EFCAB8: variants seen among roughly 807,000 people sequenced by gnomAD.
EFCAB8 encodes the protein EF-hand calcium-binding domain-containing protein 8.
In EFCAB8, 100 loss-of-function variants were observed where a neutral mutation model predicts 116.3. The ratio of observed to expected loss-of-function variants is 0.86; its 90% CI spans 0.73 to 1.02. The LOEUF (loss-of-function observed/expected upper bound fraction) is 1.02, where lower values mean the gene tolerates loss of function less well. Ranked by LOEUF, EFCAB8 falls within the 50% of genes least tolerant of loss-of-function variation. EFCAB8 has a pLI of 0.00. For synonymous variants in EFCAB8, 558 were observed against 567.9 expected, an observed-to-expected ratio of 0.98 and a Z score of 0.25; for missense variants, 1,320 against 1,416.9, an observed-to-expected ratio of 0.93 and a Z score of 1.10.
At chr20:32,878,286 G>A (rs763686342) in intron 4 of EFCAB8, among the ~76,000 whole-genome samples, 59 of 151,592 alleles carry the variant, frequency 3.9e-4, no homozygotes, top group Non-Finnish European at 5.7e-4. Flanking sequence ...AAAAAAGGCC[G>A]GGTGTGGTGG....
chr20:32,956,223 G>A (rs148441030), intron 23 of EFCAB8, among the ~76,000 whole-genome samples: 320 of 151,946 alleles, frequency 2.1e-3, no homozygotes, highest in African/African-American at 7.1e-3. Context: ...TCCCTCCCAT[G>A]TTTATGTTAT....
At chr20:32,879,678 C>T (rs541090603) in intron 5 of EFCAB8, among the ~76,000 whole-genome samples, 1 of 152,070 alleles carries the variant, frequency 6.6e-6, no homozygotes, top group African/African-American at 2.4e-5. Flanking sequence ...GGCGATGAGC[C>T]AAGCGTAATA....
intron 9 of EFCAB8, among the ~76,000 whole-genome samples, 180 bp downstream of exon 9, chr20:32,893,478 G>A (rs1349207519): frequency 6.6e-6 from 1 of 152,162 alleles, no homozygotes; most frequent in Non-Finnish European, 1.5e-5. Context: ...GAGGCGATGG[G>A]GGGCAGCAGA....
intron 22 of EFCAB8, among the ~76,000 whole-genome samples, chr20:32,939,208 CTCT>C: frequency 1.3e-5 from 1 of 76,816 alleles, no homozygotes; most frequent in East Asian, 4.1e-4. Context: ...TCTTTCCTCT[CTCT>C]CTCTCTCTCT....
At chr20:32,903,634 A>G (rs966111376) in intron 11 of EFCAB8, 1 of 152,206 alleles carries the variant, frequency 6.6e-6, no homozygotes, top group Non-Finnish European at 1.5e-5. Context: ...GGAGGGAGGA[A>G]TATCTGGTTT....
chr20:32,860,702 T>G (rs746823929), intron 1 of EFCAB8, among the ~76,000 whole-genome samples: 4 of 152,010 alleles, frequency 2.6e-5, no homozygotes, highest in Non-Finnish European at 5.9e-5. Flanking sequence ...AAAATTGGCA[T>G]CATAGTGTGC....
At position 32,959,926 on chromosome 20, in the gene EFCAB8, C is replaced by G; in HGVS notation, c.3238C>G (p.Arg1080Gly). Residue 1080 changes from arginine (R) to glycine (G), a missense_variant, in exon 25 of 27, where the codon CGC becomes GGC. Coordinates refer to ENST00000400522, the MANE Select transcript of EFCAB8 (RefSeq NM_001143967.2). ...CCTGATGTCCCCGTGGGCCGGAGAG[C>G]GCCCCCTGGAAGACATTGAGGACAG... ...MALMSPWAGE[R>G]PLEDIEDSWN... is the part of the protein sequence containing the mutation. The G allele has an allele frequency of 6.4e-7, 1 of 1,551,596 alleles. No homozygotes were observed. The highest frequency in any genetic ancestry group is 8.7e-7 in the Non-Finnish European group (1 of 1,146,966).
intron 20 of EFCAB8, among the ~76,000 whole-genome samples, chr20:32,925,575 A>G (rs1987638630): frequency 6.6e-6 from 1 of 151,936 alleles, no homozygotes; most frequent in South Asian, 2.1e-4. Flanking sequence ...CTTGTCTCGA[A>G]CTCCTGGCCT....
chr20:32,898,237 C>T, intron 10 of EFCAB8: 2 of 410,226 alleles, frequency 4.9e-6, no homozygotes, highest in Non-Finnish European at 4.5e-6. Context: ...CTTCCCCATC[C>T]TCTAACTCAC....
chr20:32,911,194 A>C (rs1986901907), intron 15 of EFCAB8, among the ~76,000 whole-genome samples: 1 of 152,112 alleles, frequency 6.6e-6, no homozygotes, highest in African/African-American at 2.4e-5. Flanking sequence ...TTGTTTCAGT[A>C]ATGTCTTTTC....
In EFCAB8 at chr20:32,930,495, A is replaced by G. The variant is rs1268982227; in HGVS notation, c.2510A>G (p.Asn837Ser). The G allele has an allele frequency of 1.3e-6, 2 of 1,552,014 alleles. No homozygotes were observed. The highest frequency in any genetic ancestry group is 1.4e-5 in the African/African-American group (1 of 73,052). Residue 837 changes from asparagine (N) to serine (S), a missense_variant, in exon 21 of 27, where the codon AAT (asparagine) becomes AGT (serine). Coordinates refer to ENST00000400522, the MANE Select transcript of EFCAB8 (RefSeq NM_001143967.2). ...GYIYAWSLHENGGLLGKFPVD... is the reference protein window; with the variant it reads ...GYIYAWSLHESGGLLGKFPVD... ...ATCTACGCCTGGTCCCTCCATGAGAATGGAGGCCTGCTGGGGAAGTTCCCT... is the reference window on the plus strand; with the variant it reads ...ATCTACGCCTGGTCCCTCCATGAGAGTGGAGGCCTGCTGGGGAAGTTCCCT...
At position 32,961,270 on chromosome 20, in the gene EFCAB8, C is replaced by G; in HGVS notation, c.3528C>G (p.Asp1176Glu). 1 of 1,550,888 alleles carries G rather than the reference C, an allele frequency of 6.4e-7. No homozygotes were observed. The highest frequency in any genetic ancestry group is 2.0e-5 in the Admixed American group (1 of 50,936). ...TGGTGGCCCACCATGTCCAGAAGGACCTGGTGCCCAGCAGGGAGCAGGCTG... is the reference window on the plus strand; with the variant it reads ...TGGTGGCCCACCATGTCCAGAAGGAGCTGGTGCCCAGCAGGGAGCAGGCTG... ...IRLVAHHVQK[D>E]LVPSREQAVL... The change falls in exon 27 of 27, where the codon GAC becomes GAG. Residue 1176 changes from aspartate to glutamate, a missense_variant. Coordinates refer to ENST00000400522, the MANE Select transcript of EFCAB8 (RefSeq NM_001143967.2).
chr20:32,916,589 A>AT, intron 17 of EFCAB8, among the ~76,000 whole-genome samples: 1 of 152,056 alleles, frequency 6.6e-6, no homozygotes, highest in East Asian at 1.9e-4. Context: ...CACTGATTCC[A>AT]TTTATGAGGG....
intron 13 of EFCAB8, chr20:32,907,214 G>A (rs1568922768): frequency 1.4e-6 from 1 of 716,828 alleles, no homozygotes; most frequent in Non-Finnish European, 1.7e-6. Flanking sequence ...TGTGACCCTG[G>A]CAAGTCCTTC....
chr20:32,912,301 C>T (rs141807349), intron 16 of EFCAB8, among the ~76,000 whole-genome samples: 5,817 of 151,776 alleles, frequency 0.038, 419 homozygotes, highest in African/African-American at 0.13. Context: ...ATTAGCCAGG[C>T]GTGGTGGTGG....
intron 5 of EFCAB8, among the ~76,000 whole-genome samples, chr20:32,882,430 TAA>T (rs1985390067): frequency 6.6e-6 from 1 of 152,176 alleles, no homozygotes; most frequent in South Asian, 2.1e-4. Flanking sequence ...AGTCCTGGGG[TAA>T]AGAGGCTCAT....
rs1241877673 is a variant in EFCAB8, at chr20:32,906,770, G to A, written c.1157-73G>A. 7 of 793,006 alleles carry A rather than the reference G, an allele frequency of 8.8e-6. No homozygotes were observed. The South Asian group carries it at 1.0e-4, about 12-fold the overall frequency. 49.1% of individuals were successfully genotyped at this position (793,006 alleles called of 1,614,324 possible). On this transcript the variant is annotated intron_variant, in intron 12 of 26. Coordinates refer to ENST00000400522, the MANE Select transcript of EFCAB8 (RefSeq NM_001143967.2). ...CCTGCTGCTCTTGTCCCCACTTCTGGGCACCACCTTCACCAGTGGGTGAAG... is the reference window on the plus strand; with the variant it reads ...CCTGCTGCTCTTGTCCCCACTTCTGAGCACCACCTTCACCAGTGGGTGAAG...
chr20:32,907,193 G>A (rs1242494933), intron 13 of EFCAB8, 199 bp downstream of exon 13: 3 of 904,662 alleles, frequency 3.3e-6, no homozygotes, highest in Non-Finnish European at 4.0e-6. Flanking sequence ...GCCCAGCCTG[G>A]CTTCTAACTT....
chr20:32,905,994 T>A (rs1298978167), intron 11 of EFCAB8, among the ~76,000 whole-genome samples: 1 of 152,036 alleles, frequency 6.6e-6, no homozygotes, highest in Non-Finnish European at 1.5e-5. Flanking sequence ...GCTCCTTGAC[T>A]TTTCCTTTTG....
Sources: allele counts gnomAD v4.1 joint callset (sites outside exome capture counted in the v4.1 genomes callset), GRCh38; gene constraint gnomAD v4.1.1; transcripts MANE v1.5; gene names NCBI Gene and HGNC (gene_info 2026-07-23, HGNC 2026-07-21).